RTN1: variants seen among roughly 807,000 people sequenced by gnomAD.
The protein encoded by RTN1 is reticulon-1.
A neutral mutation model predicts 65.5 loss-of-function variants in RTN1; 25 were observed. The observed-to-expected ratio is 0.38, with a 90% CI of 0.28 to 0.53. The LOEUF is 0.53. RTN1 is among the 20% of genes least tolerant of loss of function. The pLI, the probability that RTN1 is intolerant of heterozygous loss-of-function variation, is 0.79. For synonymous variants in RTN1, 471 were observed against 447.6 expected (o/e 1.05, Z -0.66); for missense variants, 983 against 1,025.4 (o/e 0.96, Z 0.57).
chr14:59,853,863 CTTTTTTT>C (rs71111670), intron 1 of RTN1, among the ~76,000 whole-genome samples: 2 of 126,694 alleles, frequency 1.6e-5, no homozygotes, highest in African/African-American at 2.9e-5. Context: ...TAAACTTTTA[CTTTTTTT>C]TTTTTTTTTT....
intron 3 of RTN1, among the ~76,000 whole-genome samples, chr14:59,609,276 C>G (rs543845268): frequency 7.1e-6 from 1 of 141,822 alleles, no homozygotes; most frequent in East Asian, 2.0e-4. Context: ...AAGAGCGAAA[C>G]TCTGTCTCCA....
intron 2 of RTN1, among the ~76,000 whole-genome samples, chr14:59,745,437 T>C (rs2139507411): frequency 6.6e-6 from 1 of 152,160 alleles, no homozygotes; most frequent in Admixed American, 6.5e-5. Flanking sequence ...CAGTATGTCA[T>C]TCTAACATCT....
At chr14:59,869,156 C>CA (rs1887845775) in intron 1 of RTN1, among the ~76,000 whole-genome samples, 2 of 152,076 alleles carry the variant, frequency 1.3e-5, no homozygotes, top group Admixed American at 1.3e-4. Context: ...CTCTTTTCCC[C>CA]AGCTCAGATC....
intron 1 of RTN1, among the ~76,000 whole-genome samples, chr14:59,843,383 C>T (rs1887349131): frequency 6.6e-6 from 1 of 152,190 alleles, no homozygotes; most frequent in East Asian, 1.9e-4. Flanking sequence ...CTGGCCTGAT[C>T]TGGGTGGTTA....
intron 3 of RTN1, among the ~76,000 whole-genome samples, chr14:59,611,702 T>A (rs924372602): frequency 7.2e-5 from 11 of 152,236 alleles, no homozygotes; most frequent in Non-Finnish European, 1.0e-4. Context: ...AGAGTCTTGG[T>A]TTGGGAGACT....
In RTN1 at chr14:59,727,492, G is replaced by A. The variant is rs544110503; in HGVS notation, c.1192C>T (p.Pro398Ser). The A allele has an allele frequency of 1.3e-6, 2 of 1,589,940 alleles. No homozygotes were observed. Among genetic ancestry groups the A allele is most frequent in the Non-Finnish European group, 8.6e-7 (1 of 1,168,762 alleles). The change falls in exon 3 of 9, where the codon CCC becomes TCC. Residue 398 changes from proline to serine, a missense_variant. This residue lies in a region of RTN1 where 818 missense variants were observed against 801.8 expected (regional missense o/e 1.02). Transcript: ENST00000267484. This position sits in a 1 kb window ranked among gnomAD's most constrained non-coding sequence, Gnocchi z 4.2. Reference sequence around the variant, plus strand: ...GCGCTGCTGGCCTCGTGGTCCAGGGGGCTGGGGATGGTTGGCGGTCCGGAC... The same window carrying A: ...GCGCTGCTGGCCTCGTGGTCCAGGGAGCTGGGGATGGTTGGCGGTCCGGAC... The part of the protein sequence containing the change: ...ARSGPPTIPS[P>S]LDHEASSAES...
At chr14:59,754,983 T>C (rs1224467757) in intron 1 of RTN1, among the ~76,000 whole-genome samples, 1 of 152,148 alleles carries the variant, frequency 6.6e-6, no homozygotes, top group South Asian at 2.1e-4. Flanking sequence ...CACAAAAAGC[T>C]GAAATTTACC....
chr14:59,767,713 TA>T (rs1328052227), intron 1 of RTN1, among the ~76,000 whole-genome samples: 1 of 152,190 alleles, frequency 6.6e-6, no homozygotes, highest in Non-Finnish European at 1.5e-5. Flanking sequence ...ACCTAAAGGA[TA>T]AAAAGAGGGA....
intron 3 of RTN1, among the ~76,000 whole-genome samples, chr14:59,662,257 C>T (rs1364715988): frequency 6.6e-6 from 1 of 151,544 alleles, no homozygotes; most frequent in African/African-American, 2.4e-5. Context: ...GTGTGCTGCA[C>T]CCATTAACTC....
chr14:59,842,499 T>C (rs1887332073), intron 1 of RTN1, among the ~76,000 whole-genome samples: 1 of 152,058 alleles, frequency 6.6e-6, no homozygotes, highest in Admixed American at 6.6e-5. Context: ...AAGATGGACA[T>C]AGCTAGCACC....
chr14:59,679,097 G>A (rs1279325569), intron 3 of RTN1, among the ~76,000 whole-genome samples: 1 of 152,090 alleles, frequency 6.6e-6, no homozygotes, highest in Non-Finnish European at 1.5e-5. Flanking sequence ...GAAAAGACTG[G>A]GAACAGGTAG....
At chr14:59,616,647 A>T (rs1882109701) in intron 3 of RTN1, among the ~76,000 whole-genome samples, 2 of 152,370 alleles carry the variant, frequency 1.3e-5, no homozygotes, top group East Asian at 3.9e-4. Flanking sequence ...ATGCCACAAA[A>T]GTAAACAAAA....
chr14:59,734,761 T>C (rs1884970005), intron 2 of RTN1, among the ~76,000 whole-genome samples: 1 of 152,124 alleles, frequency 6.6e-6, no homozygotes, highest in Admixed American at 6.5e-5. Flanking sequence ...CTACAGCTAA[T>C]TAGGGTACCT....
At chr14:59,654,107 G>C (rs547239213) in intron 3 of RTN1, among the ~76,000 whole-genome samples, 1 of 152,234 alleles carries the variant, frequency 6.6e-6, no homozygotes, top group African/African-American at 2.4e-5. Flanking sequence ...ATTAACAGCA[G>C]TACTTCACAA....
chr14:59,660,719 C>T (rs11625121), intron 3 of RTN1, among the ~76,000 whole-genome samples: 2,498 of 152,138 alleles, frequency 0.016, 39 homozygotes, highest in Non-Finnish European at 0.029. Context: ...CAGAATCTCT[C>T]GGACACAGCT....
chr14:59,723,028 G>T (rs1594700108), intron 3 of RTN1, among the ~76,000 whole-genome samples: 1 of 152,006 alleles, frequency 6.6e-6, no homozygotes, highest in Admixed American at 6.6e-5. Context: ...GAACTCCTGG[G>T]CTCAAGTGAT....
chr14:59,704,713 G>A (rs1005580495), intron 3 of RTN1, among the ~76,000 whole-genome samples: 4 of 152,166 alleles, frequency 2.6e-5, no homozygotes, highest in Non-Finnish European at 4.4e-5. Flanking sequence ...AGAAGGGTAC[G>A]AAAATGGCAG....
At chr14:59,771,554 C>T (rs1183350613) in intron 1 of RTN1, among the ~76,000 whole-genome samples, 1 of 152,206 alleles carries the variant, frequency 6.6e-6, no homozygotes, top group African/African-American at 2.4e-5. Flanking sequence ...ATCCCTCATA[C>T]ACATGGCAAT....
At chr14:59,745,431 A>G (rs1348471944) in intron 2 of RTN1, among the ~76,000 whole-genome samples, 9 of 152,138 alleles carry the variant, frequency 5.9e-5, no homozygotes, top group African/African-American at 2.2e-4. Flanking sequence ...TGTTTCCAGT[A>G]TGTCATTCTA....
Sources: gnomAD v4.1 joint callset for allele counts (sites outside exome capture counted in the v4.1 genomes callset) on GRCh38, gnomAD v4.1.1 for gene constraint, gnomAD v4.1.1 regional missense constraint, Gnocchi (gnomAD v3.1) non-coding constraint, MANE v1.5 for transcripts, NCBI Gene and HGNC (gene_info 2026-07-23, HGNC 2026-07-21) for gene names.